The following ZNF300 variants were observed in gnomAD, a reference collection of about 807,000 sequenced individuals.
ZNF300 encodes kruppel-like zinc finger protein.
A neutral mutation model predicts 13.9 loss-of-function variants in ZNF300; 6 were observed. That is an observed-to-expected ratio of 0.43 (90% CI 0.24 to 0.85). The LOEUF (loss-of-function observed/expected upper bound fraction) is 0.85. Among genes scored for constraint, ZNF300 ranks in the 40% least tolerant of loss-of-function variants. The pLI is 0.25. For synonymous variants in ZNF300, 237 were observed against 242.2 expected (o/e 0.98, Z 0.20); for missense variants, 662 against 714.2 (o/e 0.93, Z 0.83).
intron 3 of ZNF300, among the ~76,000 whole-genome samples, chr5:150,902,151 T>A (rs930115254): frequency 6.6e-6 from 1 of 152,150 alleles, no homozygotes; most frequent in Admixed American, 6.5e-5. Flanking sequence ...TTATATAATT[T>A]TAAATGTTTA....
Position 150,895,974 on chromosome 5 carries a change from G to T in ZNF300, c.1265C>A (p.Ser422Tyr). 6.2e-7 allele frequency: 1 copy of T among 1,613,526 alleles called. No homozygotes were observed. ...TECGKAFCEK[S>Y]HLIIHKRIHT... Reference sequence around the variant, plus strand: ...AATTCTTTTATGTATAATGAGGTGGGACTTCTCACAGAAGGCTTTCCCACA... The same window carrying T: ...AATTCTTTTATGTATAATGAGGTGGTACTTCTCACAGAAGGCTTTCCCACA... The change falls in exon 6 of 6, where the codon TCC (serine) becomes TAC (tyrosine). Residue 422 changes from serine (S) to tyrosine (Y), a missense_variant. Physicochemically the swap from Ser to Tyr is moderately radical, Grantham distance 144 (BLOSUM62 -2). Transcript: ENST00000274599.
In ZNF300 at chr5:150,896,767, C is replaced by T. The variant is rs1487747039; in HGVS notation, c.472G>A (p.Glu158Lys). 1 of 1,613,788 alleles carries T rather than the reference C, an allele frequency of 6.2e-7. No homozygotes were observed. The highest frequency in any genetic ancestry group is 1.1e-5 in the South Asian group (1 of 91,066). Residue 158 changes from glutamate to lysine, a missense_variant, in exon 6 of 6, where the codon GAG (glutamate) becomes AAG (lysine). Transcript: ENST00000274599. ...VTFVNSKTVT[E>K]ASGHKYNPLG... The stretch of plus-strand genomic sequence containing the variant: ...GGATTATATTTATGCCCTGATGCCT[C>T]AGTCACTGTTTTGCTGTTAACAAAT...
At chr5:150,903,380 G>C in intron 2 of ZNF300, 198 bp from the exon 3 acceptor site, 1 of 1,541,940 alleles carries the variant, frequency 6.5e-7, no homozygotes, top group Non-Finnish European at 8.7e-7. Flanking sequence ...TACTCCTCTT[G>C]TACCTATAAT....
At position 150,895,865 on chromosome 5, in the gene ZNF300, A is replaced by C. The variant is rs1259008498; in HGVS notation, c.1374T>G (p.Val458=). ...ATTCATAAGGTTTTTCCCCAGTATG[A>C]ACTAACTGATGTGTAATGAGTTCTG... ...RKTELITHQL[V]HTGEKPYECT... Residue 458 remains valine, a synonymous_variant, in exon 6 of 6, where the codon GTT becomes GTG. Transcript: ENST00000274599. 27 of 1,613,506 alleles carry C rather than the reference A, an allele frequency of 1.7e-5. No individual in the cohort carries two copies. Among genetic ancestry groups the C allele is most frequent in the Non-Finnish European group, 2.0e-5 (24 of 1,179,796 alleles).
chr5:150,898,528 A>C lies in ZNF300; in HGVS notation c.42T>G (p.Ala14=). Residue 14 remains alanine, a synonymous_variant, in exon 4 of 6, where the codon GCT becomes GCG. Transcript: ENST00000274599. ...SQGLVSFKDV[A]VDFTQEEWQQ... ...GCCACTCCTCCTGGGTGAAATCCAC[A>C]GCCACATCCTTGAATGATACTAACC... 1.9e-6 allele frequency: 3 copies of C among 1,612,580 alleles called. No individual in the cohort carries two copies. The highest frequency in any genetic ancestry group is 2.5e-6 in the Non-Finnish European group (3 of 1,179,094).
In ZNF300 at chr5:150,896,467, G is replaced by T; in HGVS notation, c.772C>A (p.Gln258Lys). The T allele has an allele frequency of 6.2e-7, 1 of 1,613,448 alleles. No individual in the cohort carries two copies. The stretch of plus-strand genomic sequence containing the variant: ...TCTTTAGTTTCCACATTCTGATATT[G>T]AATAAGGGATTGTGTATTTCTAAAA... Reference protein sequence around the residue: ...NVFRNTQSLIQYQNVETKEKS... With the variant: ...NVFRNTQSLIKYQNVETKEKS... Residue 258 changes from glutamine to lysine, a missense_variant, in exon 6 of 6, where the codon CAA becomes AAA. By Grantham distance (53) the Gln-to-Lys change is moderately conservative (BLOSUM62 1). Transcript: ENST00000274599.
At chr5:150,897,018 A>G in intron 5 of ZNF300, 45 bp from the exon 6 acceptor site, 1 of 1,461,012 alleles carries the variant, frequency 6.8e-7, no homozygotes, top group South Asian at 1.3e-5. Context: ...ACAAGAGTCA[A>G]TTAAGAGGGT....
chr5:150,903,022 G>A (rs1755038214), intron 3 of ZNF300, 119 bp downstream of exon 3: 1 of 1,034,962 alleles, frequency 9.7e-7, no homozygotes, highest in African/African-American at 1.6e-5. Context: ...ACTCTTTCGA[G>A]GTCTTGATCT....
At position 150,896,645 on chromosome 5, in the gene ZNF300, A is replaced by T; in HGVS notation, c.594T>A (p.Ile198=). The part of the protein sequence containing the change: ...DAFKKNLKPN[I]DLPSCYKSNS... ...TGCTCTTATAACAACTCGGTAGGTC[A>T]ATATTTGGTTTTAAGTTCTTTTTAA... is the stretch of plus-strand genomic sequence containing the variant. Residue 198 remains isoleucine (I), a synonymous_variant, in exon 6 of 6, where the codon ATT becomes ATA. Coordinates refer to ENST00000274599, the MANE Select transcript of ZNF300 (RefSeq NM_052860.4). The T allele has an allele frequency of 6.2e-7, 1 of 1,613,558 alleles. No homozygotes were observed. Among genetic ancestry groups the T allele is most frequent in the Non-Finnish European group, 8.5e-7 (1 of 1,179,782 alleles).
At chr5:150,900,873 C>T (rs1231250744) in intron 3 of ZNF300, 1 of 151,896 alleles carries the variant, frequency 6.6e-6, no homozygotes, top group Non-Finnish European at 1.5e-5. Context: ...TCTGATTTTG[C>T]TTTATTAATG....
intron 3 of ZNF300, among the ~76,000 whole-genome samples, chr5:150,900,251 T>C (rs1754947167): frequency 6.6e-6 from 1 of 152,108 alleles, no homozygotes; most frequent in South Asian, 2.1e-4. Context: ...ATCTTTTATA[T>C]TTTATCACTT....
At chr5:150,898,858 C>T (rs77212559) in intron 3 of ZNF300, among the ~76,000 whole-genome samples, 6,727 of 151,894 alleles carry the variant, frequency 0.044, 200 homozygotes, top group East Asian at 0.16. Flanking sequence ...AAGAATAATG[C>T]TGAAGAAATA....
At chr5:150,904,514 C>A (rs1755081460) in intron 1 of ZNF300, among the ~76,000 whole-genome samples, 190 bp downstream of exon 1, 1 of 152,114 alleles carries the variant, frequency 6.6e-6, no homozygotes, top group South Asian at 2.1e-4. Flanking sequence ...ACCAGTCAGT[C>A]CACCTGCAAG....
Position 150,897,112 on chromosome 5 carries a change from A to G in ZNF300, c.266-139T>C, listed in dbSNP as rs1754820124. The stretch of plus-strand genomic sequence containing the variant: ...GAAACAGGTCATCTCAGAAGACAGT[A>G]CAGCATATAGTGTTATCAGGTGAAT... On this transcript the variant is annotated intron_variant, in intron 5 of 5. Coordinates refer to ENST00000274599, the MANE Select transcript of ZNF300 (RefSeq NM_052860.4). 12 of 632,176 alleles carry G rather than the reference A, an allele frequency of 1.9e-5. 1 individual carries two copies. In the South Asian group the frequency reaches 2.5e-4, roughly 13 times the overall value. The allele number at this position is 632,176 out of a possible 1,614,324, so 39.2% of individuals were successfully genotyped here. A position where few individuals can be genotyped will look rare whatever the true frequency, so the allele number is the denominator to read the frequency against.
intron 2 of ZNF300, 59 bp from the exon 3 acceptor site, chr5:150,903,241 TTTCACA>T: frequency 1.2e-6 from 2 of 1,612,360 alleles, no homozygotes; most frequent in Non-Finnish European, 8.5e-7. Flanking sequence ...AGACTGCAGC[TTTCACA>T]TTCACCAATC....
chr5:150,903,742 T>A (rs1183901561), intron 2 of ZNF300, 122 bp downstream of exon 2: 1 of 208,540 alleles, frequency 4.8e-6, no homozygotes, highest in South Asian at 1.2e-4. Context: ...AATTTTAAGA[T>A]GTTTTCTGTT....
intron 3 of ZNF300, among the ~76,000 whole-genome samples, chr5:150,902,279 A>G (rs12656603): frequency 0.039 from 5,874 of 152,282 alleles, 179 homozygotes; most frequent in East Asian, 0.16. Context: ...AGCAAAAGAT[A>G]TGGAGCATCA....
At chr5:150,898,839 A>G (rs1476488058) in intron 3 of ZNF300, among the ~76,000 whole-genome samples, 1 of 152,100 alleles carries the variant, frequency 6.6e-6, no homozygotes, top group East Asian at 1.9e-4. Flanking sequence ...AATGAATAGT[A>G]AAGAGGAAAA....
intron 1 of ZNF300, 125 bp from the exon 2 acceptor site, chr5:150,904,102 AC>A (rs1755071199): frequency 1.3e-5 from 2 of 152,240 alleles, no homozygotes; most frequent in African/African-American, 4.8e-5. Context: ...CTGAAATCAA[AC>A]TTTTAATTAT....
Sources: allele counts gnomAD v4.1 joint callset (sites outside exome capture counted in the v4.1 genomes callset), GRCh38; gene constraint gnomAD v4.1.1; transcripts MANE v1.5; gene names NCBI Gene and HGNC (gene_info 2026-07-23, HGNC 2026-07-21).